The following AFF1 variants were observed in gnomAD, a reference collection of about 807,000 sequenced individuals.
AFF1 encodes the protein AF4/FMR2 family member 1.
In AFF1, 48 loss-of-function variants were observed where a neutral mutation model predicts 121.7. That is an observed-to-expected ratio of 0.39 (90% CI 0.31 to 0.50). The LOEUF is 0.50. AFF1 is among the 20% of genes least tolerant of loss of function. The pLI is 0.76. For missense variants in AFF1, 1,523 were observed against 1,511.7 expected (o/e 1.01, Z -0.12); for synonymous variants, 613 against 563.0 (o/e 1.09, Z -1.26).
intron 12 of AFF1, among the ~76,000 whole-genome samples, chr4:87,117,802 G>A (rs542609680): frequency 1.3e-5 from 2 of 152,178 alleles, no homozygotes; most frequent in Non-Finnish European, 2.9e-5. Context: ...CTGGATGGGA[G>A]TTGTTGAACA....
intron 2 of AFF1, among the ~76,000 whole-genome samples, chr4:87,040,053 G>A (rs755641926): frequency 2.0e-5 from 3 of 151,954 alleles, no homozygotes; most frequent in Admixed American, 1.3e-4. Context: ...CACTACGCCC[G>A]GTTAATTTTT....
At chr4:87,120,432 C>T (rs1295312562) in intron 12 of AFF1, among the ~76,000 whole-genome samples, 2 of 152,140 alleles carry the variant, frequency 1.3e-5, no homozygotes, top group Non-Finnish European at 2.9e-5. Context: ...CTTAGTGGTC[C>T]CTTGATCAGC....
intron 2 of AFF1, among the ~76,000 whole-genome samples, chr4:86,962,487 C>T (rs573399668): frequency 6.6e-6 from 1 of 152,274 alleles, no homozygotes; most frequent in South Asian, 2.1e-4. Context: ...TCTTCCCTTT[C>T]TGTTGACTTG....
chr4:87,047,921 CAA>C (rs1302842928), intron 4 of AFF1: 10 of 309,528 alleles, frequency 3.2e-5, no homozygotes, highest in Middle Eastern at 9.4e-4. Flanking sequence ...AAAACCCAAT[CAA>C]GAGAGAGAAG....
intron 2 of AFF1, among the ~76,000 whole-genome samples, chr4:86,987,360 T>A (rs191207482): frequency 1.3e-5 from 2 of 152,282 alleles, no homozygotes; most frequent in East Asian, 3.9e-4. Flanking sequence ...GATGACCTGA[T>A]TGACCCTAGG....
intron 11 of AFF1, among the ~76,000 whole-genome samples, chr4:87,112,386 G>A (rs1726625604): frequency 6.6e-6 from 1 of 152,172 alleles, no homozygotes; most frequent in Non-Finnish European, 1.5e-5. Context: ...CATAAGCGAA[G>A]GAAGCCGTAA....
rs533870910 is a variant in AFF1, at chr4:87,050,758, A to G, written c.1059+3164A>G. Among the ~76,000 whole-genome samples the G allele has an allele frequency of 2.3e-4, 35 of 152,310 alleles. 1 individual carries two copies. Among genetic ancestry groups the G allele is most frequent in the African/African-American group, 7.9e-4 (33 of 41,584 alleles). ...GATGTCTAGCAGTGTGAAGTGACCA[A>G]TCTGAGGCCAGGCCCAGAACTCCGC... On this transcript the variant is annotated intron_variant, in intron 4 of 20. Transcript: ENST00000395146.
chr4:86,957,326 G>A (rs1721814339), intron 2 of AFF1, among the ~76,000 whole-genome samples: 1 of 152,130 alleles, frequency 6.6e-6, no homozygotes, highest in Non-Finnish European at 1.5e-5. Context: ...CCTACTTTAG[G>A]AAGAAGAGAA....
At chr4:87,014,956 T>C (rs1382980231) in intron 2 of AFF1, among the ~76,000 whole-genome samples, 1 of 152,210 alleles carries the variant, frequency 6.6e-6, no homozygotes, top group Non-Finnish European at 1.5e-5. Context: ...CTGTCTACCT[T>C]AGACATTTCT....
At chr4:87,040,866 C>A (rs1182387131) in intron 2 of AFF1, among the ~76,000 whole-genome samples, 1 of 141,744 alleles carries the variant, frequency 7.1e-6, no homozygotes, top group Admixed American at 7.1e-5. Flanking sequence ...AGCCACCATG[C>A]CCTGCTTTTT....
rs1258397968 is a variant in AFF1 at position 86,958,101 on chromosome 4, T to TCC, written c.38+9530_38+9531insCC. On this transcript the variant is annotated intron_variant, in intron 2 of 20. Transcript: ENST00000395146. ...TTTTCTTTTTTTTTCCTTTTTTTTT[T>TCC]TTTTTTTTTGAAACGGAGTTTCACT... Among the ~76,000 whole-genome samples the TCC allele has an allele frequency of 2.0e-4, 29 of 145,590 alleles. No homozygotes were observed. The East Asian group carries it at 5.1e-3, about 26-fold the overall frequency.
At chr4:87,108,614 A>G (rs1191319192) in intron 11 of AFF1, among the ~76,000 whole-genome samples, 2 of 152,128 alleles carry the variant, frequency 1.3e-5, no homozygotes, top group Admixed American at 6.5e-5. Context: ...TTTGCACACC[A>G]TTTTCTTTTC....
chr4:86,995,762 C>T (rs1725108393), intron 2 of AFF1, among the ~76,000 whole-genome samples: 1 of 151,932 alleles, frequency 6.6e-6, no homozygotes, highest in Non-Finnish European at 1.5e-5. Flanking sequence ...AGCGTCTCTG[C>T]CAGGCCGCCC....
chr4:86,979,458 G>T (rs954786340), intron 2 of AFF1, among the ~76,000 whole-genome samples: 1 of 152,166 alleles, frequency 6.6e-6, no homozygotes, highest in Non-Finnish European at 1.5e-5. Context: ...CAATAAATAG[G>T]TGTTGATTAG....
At chr4:87,016,078 G>C (rs1350714653) in intron 2 of AFF1, among the ~76,000 whole-genome samples, 1 of 152,126 alleles carries the variant, frequency 6.6e-6, no homozygotes, top group Non-Finnish European at 1.5e-5. Flanking sequence ...CTACTCGGGA[G>C]GCTGAGGCAG....
chr4:86,974,357 C>T (rs1342389838), intron 2 of AFF1, among the ~76,000 whole-genome samples: 1 of 152,066 alleles, frequency 6.6e-6, no homozygotes, highest in Non-Finnish European at 1.5e-5. Flanking sequence ...ACCATGTTGG[C>T]CAGATTGGAC....
intron 2 of AFF1, among the ~76,000 whole-genome samples, chr4:86,961,593 G>T (rs550276465): frequency 1.3e-5 from 2 of 151,332 alleles, no homozygotes; most frequent in South Asian, 2.1e-4. Flanking sequence ...GGAAGGGGGG[G>T]CTGAGTGATG....
At chr4:86,938,670 G>C (rs1720228496) in intron 1 of AFF1, among the ~76,000 whole-genome samples, 1 of 152,152 alleles carries the variant, frequency 6.6e-6, no homozygotes, top group Non-Finnish European at 1.5e-5. Flanking sequence ...CATAAACTCT[G>C]TAATCCATTT....
At chr4:87,122,831 T>C (rs1578300987) in intron 12 of AFF1, among the ~76,000 whole-genome samples, 1 of 146,200 alleles carries the variant, frequency 6.8e-6, no homozygotes, top group East Asian at 2.1e-4. Context: ...AATTTAAACT[T>C]TTCTAATACC....
Sources: gnomAD v4.1 joint callset for allele counts (sites outside exome capture counted in the v4.1 genomes callset) on GRCh38, gnomAD v4.1.1 for gene constraint, MANE v1.5 for transcripts, NCBI Gene and HGNC (gene_info 2026-07-23, HGNC 2026-07-21) for gene names.